The following TMEM181 variants were observed in gnomAD, a reference collection of about 807,000 sequenced individuals.
The protein encoded by TMEM181 is G protein-coupled receptor 178.
In TMEM181, 39 loss-of-function variants were observed where a neutral mutation model predicts 71.9. The ratio of observed to expected loss-of-function variants is 0.54; its 90% CI spans 0.42 to 0.71. The LOEUF (loss-of-function observed/expected upper bound fraction) is 0.71. Among genes scored for constraint, TMEM181 ranks in the 30% least tolerant of loss-of-function variants. TMEM181 has a pLI of 0.00. For missense variants in TMEM181, 595 were observed against 583.0 expected, an observed-to-expected ratio of 1.02 and a Z score of -0.21; for synonymous variants, 245 against 228.8, an observed-to-expected ratio of 1.07 and a Z score of -0.64.
intron 10 of TMEM181, among the ~76,000 whole-genome samples, chr6:158,619,161 G>A (rs574904972): frequency 1.3e-5 from 2 of 152,262 alleles, no homozygotes; most frequent in East Asian, 3.9e-4. Context: ...TTTTCACATA[G>A]TCCCATATTT....
At chr6:158,605,426 C>A in intron 7 of TMEM181, 79 bp downstream of exon 7, 2 of 1,307,388 alleles carry the variant, frequency 1.5e-6, no homozygotes, top group Non-Finnish European at 2.2e-6. Flanking sequence ...ATCTTCGGTG[C>A]AAGCCACATG....
At chr6:158,581,236 G>A (rs1783453269) in intron 3 of TMEM181, among the ~76,000 whole-genome samples, 1 of 152,214 alleles carries the variant, frequency 6.6e-6, no homozygotes, top group African/African-American at 2.4e-5. Context: ...CTCTTAGGGA[G>A]CAGTTGTTCA....
At chr6:158,629,508 G>A (rs9457417) in intron 14 of TMEM181, among the ~76,000 whole-genome samples, 20,055 of 152,134 alleles carry the variant, frequency 0.13, 1,467 homozygotes, top group Middle Eastern at 0.2. Flanking sequence ...GATGTGAGAG[G>A]CCATAGTTCA....
intron 1 of TMEM181, among the ~76,000 whole-genome samples, chr6:158,564,388 A>G (rs1782366033): frequency 6.6e-6 from 1 of 152,146 alleles, no homozygotes; most frequent in Non-Finnish European, 1.5e-5. Context: ...CCCACCTGTG[A>G]AATGGGCCGA....
rs1487396916 is a variant in TMEM181 at position 158,632,166 on chromosome 6, G to A, written c.*278G>A. The stretch of plus-strand genomic sequence containing the variant: ...CAGATGAGCGTGTTTTCAGTGATGA[G>A]GAAATTTCACGTTTTTAGTACAGTG... On this transcript the variant is annotated 3_prime_UTR_variant, in exon 17 of 17. Coordinates refer to ENST00000684151, the MANE Select transcript of TMEM181 (RefSeq NM_001376852.1). 1.6e-5 allele frequency: 7 copies of A among 438,092 alleles called. No individual in the cohort carries two copies. In the East Asian group the frequency reaches 2.8e-4, roughly 17 times the overall value. The allele number at this position is 438,092 out of a possible 1,614,324, so 27.1% of individuals were successfully genotyped here.
At chr6:158,628,537 A>G (rs1409271619) in intron 14 of TMEM181, 47 bp downstream of exon 14, 3 of 1,554,722 alleles carry the variant, frequency 1.9e-6, no homozygotes, top group Non-Finnish European at 2.7e-6. Context: ...CCTGCTTAGC[A>G]TTGCAGCAGT....
intron 10 of TMEM181, among the ~76,000 whole-genome samples, chr6:158,618,286 G>A (rs557848435): frequency 2.0e-5 from 3 of 151,440 alleles, no homozygotes; most frequent in African/African-American, 4.9e-5. Context: ...TTTTATCAGA[G>A]ACTAGGATTG....
Position 158,589,656 on chromosome 6 carries a change from T to G in TMEM181, c.382-16T>G, listed in dbSNP as rs376150185. ...TCTCGCTTTCTTTAAAGGCAAATCTTTCTGTGTATTTGCAGAAATGTGCGG... is the reference window on the plus strand; with the variant it reads ...TCTCGCTTTCTTTAAAGGCAAATCTGTCTGTGTATTTGCAGAAATGTGCGG... On this transcript the variant is annotated splice_polypyrimidine_tract_variant and intron_variant, in intron 5 of 16. Coordinates refer to ENST00000684151, the MANE Select transcript of TMEM181 (RefSeq NM_001376852.1). 1.4e-5 allele frequency: 22 copies of G among 1,600,378 alleles called. No homozygotes were observed. In the African/African-American group the frequency reaches 2.7e-4, roughly 19 times the overall value.
At chr6:158,628,199 G>A in intron 13 of TMEM181, 3 of 693,724 alleles carry the variant, frequency 4.3e-6, no homozygotes, top group Non-Finnish European at 7.9e-6. Context: ...AGCCCACCTA[G>A]ATCCGAGACC....
chr6:158,536,835 T>A, exon 1 of TMEM181: 3 of 1,537,652 alleles, frequency 2.0e-6, no homozygotes, highest in Non-Finnish European at 2.6e-6. Context: ...AAGGAGGACC[T>A]CACGCCCTTC....
intron 1 of TMEM181, among the ~76,000 whole-genome samples, chr6:158,563,930 C>A (rs752494026): frequency 1.3e-5 from 2 of 152,014 alleles, no homozygotes; most frequent in Non-Finnish European, 2.9e-5. Flanking sequence ...TACAGGTGCG[C>A]GCCACCACAC....
chr6:158,608,829 G>C (rs1466538325), intron 10 of TMEM181, 79 bp downstream of exon 10: 2 of 1,335,896 alleles, frequency 1.5e-6, no homozygotes, highest in African/African-American at 2.9e-5. Context: ...CAGGCGTAGT[G>C]GCTCACGCCT....
At chr6:158,627,086 C>A (rs1786350135) in intron 13 of TMEM181, among the ~76,000 whole-genome samples, 1 of 131,196 alleles carries the variant, frequency 7.6e-6, no homozygotes, top group Non-Finnish European at 1.6e-5. Flanking sequence ...CACACCCTCA[C>A]CCTCACCCTC....
chr6:158,621,263 C>G (rs915822522), intron 10 of TMEM181: 2 of 152,298 alleles, frequency 1.3e-5, no homozygotes, highest in Non-Finnish European at 2.9e-5. Context: ...GTTTTACTAT[C>G]TGCTCTTTCT....
chr6:158,595,759 G>A (rs149970108), intron 6 of TMEM181, among the ~76,000 whole-genome samples: 1 of 152,260 alleles, frequency 6.6e-6, no homozygotes, highest in Non-Finnish European at 1.5e-5. Context: ...ATCAGGGTTA[G>A]TGTTCCTCTG....
chr6:158,537,494 G>T (rs1781167264), intron 1 of TMEM181, among the ~76,000 whole-genome samples: 1 of 152,170 alleles, frequency 6.6e-6, no homozygotes, highest in Admixed American at 6.5e-5. Context: ...CGGCCTAGGG[G>T]AGAGCGGTGG....
intron 6 of TMEM181, among the ~76,000 whole-genome samples, chr6:158,601,986 G>A (rs79117943): frequency 0.018 from 2,784 of 152,222 alleles, 102 homozygotes; most frequent in African/African-American, 0.064. Context: ...TTGAGGTATA[G>A]TTGACACACA....
At chr6:158,561,064 C>T (rs1295262702) in intron 1 of TMEM181, among the ~76,000 whole-genome samples, 4 of 152,302 alleles carry the variant, frequency 2.6e-5, no homozygotes, top group African/African-American at 9.6e-5. Flanking sequence ...GCTTCCAGGG[C>T]CGGCTCCCTG....
intron 2 of TMEM181, among the ~76,000 whole-genome samples, chr6:158,575,560 C>T (rs2014739): frequency 0.3 from 45,226 of 152,002 alleles, 7,225 homozygotes; most frequent in East Asian, 0.65. Flanking sequence ...TCAGATGATC[C>T]GCCTGCCTCG....
Sources: allele counts gnomAD v4.1 joint callset (sites outside exome capture counted in the v4.1 genomes callset), GRCh38; gene constraint gnomAD v4.1.1; transcripts MANE v1.5; gene names NCBI Gene and HGNC (gene_info 2026-07-23, HGNC 2026-07-21).